The following ANTXR2 variants were observed in gnomAD, a reference collection of about 807,000 sequenced individuals.
ANTXR2 encodes anthrax toxin receptor 2.
In ANTXR2, 44 loss-of-function variants were observed where a neutral mutation model predicts 73.7. That is an observed-to-expected ratio of 0.60 (90% confidence interval 0.47 to 0.77). The LOEUF (loss-of-function observed/expected upper bound fraction) is 0.77, where lower values mean the gene tolerates loss of function less well. ANTXR2 is among the 30% of genes least tolerant of loss of function. The probability of loss-of-function intolerance (pLI) is 0.00; values close to 1 mark genes in which losing one functional copy is unlikely to be tolerated. For missense variants in ANTXR2, 604 were observed against 592.5 expected (o/e 1.02, Z -0.20); for synonymous variants, 217 against 205.9 (o/e 1.05, Z -0.46).
rs138133139 is a variant in ANTXR2, at chr4:80,067,033, G to A, written c.296+2403C>T. On this transcript the variant is annotated intron_variant, in intron 3 of 16. Transcript: ENST00000403729. ...ATCCCGGCTAACACGGTGAAACCCC[G>A]TCTCTACTAAAAAATACAAAAAATT... Among the ~76,000 whole-genome samples, 427 of 152,096 alleles carry A rather than the reference G, an allele frequency of 2.8e-3. 5 individuals carry two copies. Among genetic ancestry groups the A allele is most frequent in the African/African-American group, 9.7e-3 (403 of 41,506 alleles).
rs1726756297 is a variant in ANTXR2, at chr4:79,902,752, T to A, written c.*4677A>T. 1 of 152,070 alleles carries A rather than the reference T, an allele frequency of 6.6e-6. No individual in the cohort carries two copies. The highest frequency in any genetic ancestry group is 6.6e-5 in the Admixed American group (1 of 15,218). 9.4% of individuals were successfully genotyped at this position (152,070 alleles called of 1,614,324 possible). On this transcript the variant is annotated 3_prime_UTR_variant, in exon 17 of 17. Coordinates refer to ENST00000403729, the MANE Select transcript of ANTXR2 (RefSeq NM_058172.6). ...TTTTTTTTTTTTGCAACTGACAGTT[T>A]ACAGAACTAATATTACCACACACTA...
chr4:79,926,893 G>GTATATACACGTGTGCATATATGTGTA (rs1560866648), intron 16 of ANTXR2, among the ~76,000 whole-genome samples: 8,458 of 121,830 alleles, frequency 0.069, 832 homozygotes, highest in Middle Eastern at 0.17. Context: ...ATATATGTGT[G>GTATATACACGTGTGCATATATGTGTA]TATATACACA....
At chr4:80,019,189 A>C (rs894283813) in intron 10 of ANTXR2, among the ~76,000 whole-genome samples, 3 of 152,122 alleles carry the variant, frequency 2.0e-5, no homozygotes, top group African/African-American at 7.2e-5. Context: ...CAACATAGTG[A>C]AACCCCATCT....
At chr4:80,012,429 A>T (rs957333362) in intron 11 of ANTXR2, among the ~76,000 whole-genome samples, 2 of 151,990 alleles carry the variant, frequency 1.3e-5, no homozygotes, top group Admixed American at 6.5e-5. Context: ...ACATAGTTTT[A>T]CTGAACACAG....
intron 16 of ANTXR2, among the ~76,000 whole-genome samples, chr4:79,928,961 G>T (rs1578091556): frequency 1.3e-5 from 2 of 152,116 alleles, no homozygotes; most frequent in African/African-American, 4.8e-5. Flanking sequence ...CAAGAGAATG[G>T]TTAACAGAGT....
intron 16 of ANTXR2, among the ~76,000 whole-genome samples, chr4:79,935,015 G>A (rs1429374345): frequency 6.6e-6 from 1 of 151,768 alleles, no homozygotes; most frequent in Admixed American, 6.6e-5. Context: ...GATGGGTGCA[G>A]CACACCAACA....
chr4:80,052,945 A>T (rs537569721), intron 7 of ANTXR2, among the ~76,000 whole-genome samples: 62 of 151,610 alleles, frequency 4.1e-4, no homozygotes, highest in Non-Finnish European at 8.3e-4. Context: ...ACAATCCATC[A>T]TCTGGGTAAT....
chr4:79,928,844 T>C (rs1293635793), intron 16 of ANTXR2, among the ~76,000 whole-genome samples: 1 of 152,186 alleles, frequency 6.6e-6, no homozygotes, highest in Admixed American at 6.6e-5. Context: ...AAATTAGTGC[T>C]TTATATATAC....
chr4:79,908,992 T>C (rs1325609814), intron 16 of ANTXR2, among the ~76,000 whole-genome samples: 2 of 152,112 alleles, frequency 1.3e-5, no homozygotes, highest in African/African-American at 4.8e-5. Flanking sequence ...GGTAGGAAAA[T>C]GACATCATAC....
chr4:79,937,877 C>T (rs1368694614), intron 16 of ANTXR2, among the ~76,000 whole-genome samples: 7 of 142,656 alleles, frequency 4.9e-5, no homozygotes, highest in Non-Finnish European at 6.1e-5. Context: ...GCGCACCGTG[C>T]ACGAGCCGAA....
At chr4:79,930,825 G>A (rs950686293) in intron 16 of ANTXR2, among the ~76,000 whole-genome samples, 1 of 152,098 alleles carries the variant, frequency 6.6e-6, no homozygotes, top group Admixed American at 6.5e-5. Flanking sequence ...TAGTGTAAAC[G>A]AGCTGAAACT....
intron 12 of ANTXR2, among the ~76,000 whole-genome samples, chr4:79,992,608 T>C (rs1306070929): frequency 1.3e-5 from 2 of 151,892 alleles, no homozygotes; most frequent in East Asian, 1.9e-4. Flanking sequence ...GAATTAAGAT[T>C]TAAAATAATA....
chr4:80,073,293 C>G (rs1390812616), upstream of ANTXR2: 1 of 152,370 alleles, frequency 6.6e-6, no homozygotes, highest in African/African-American at 2.4e-5. Context: ...CACATGCACA[C>G]TTGTGGGTTC....
intron 12 of ANTXR2, among the ~76,000 whole-genome samples, chr4:79,988,196 C>T (rs1449303159): frequency 2.8e-4 from 39 of 139,834 alleles, no homozygotes; most frequent in South Asian, 1.8e-3. Flanking sequence ...CCCAACTATA[C>T]ACTATATTCA....
rs1734679481 is a variant in ANTXR2 at position 80,069,459 on chromosome 4, A to C, written c.273T>G (p.Ile91Met). The change falls in exon 3 of 17, where the codon ATT becomes ATG. Residue 91 changes from isoleucine to methionine, a missense_variant. Physicochemically the swap from Ile to Met is conservative, Grantham distance 10. Transcript: ENST00000403729. Reference protein sequence around the residue: ...SFIVFSSQATIILPLTGDRGK... With the variant: ...SFIVFSSQATMILPLTGDRGK... ...ACCTGTCTCCAGTTAATGGCAAAAT[A>C]ATAGTTGCTTGAGAAGAAAACACAA... 6.2e-7 allele frequency: 1 copy of C among 1,605,248 alleles called. No homozygotes were observed. Among genetic ancestry groups the C allele is most frequent in the Admixed American group, 1.7e-5 (1 of 59,460 alleles).
rs1240816944 is a variant in ANTXR2, at chr4:79,985,119, G to C, written c.1042-256C>G. 1.3e-5 allele frequency among the ~76,000 whole-genome samples: 2 copies of C among 151,806 alleles called. 1 individual carries two copies. The highest frequency in any genetic ancestry group is 2.9e-5 in the Non-Finnish European group (2 of 67,934). ...ATCCCAGCACTTTGGGAAGCCGAGGGGGGCGGATCACGAGGTCAGCAGATC... is the reference window on the plus strand; with the variant it reads ...ATCCCAGCACTTTGGGAAGCCGAGGCGGGCGGATCACGAGGTCAGCAGATC... On this transcript the variant is annotated intron_variant, in intron 12 of 16. Coordinates refer to ENST00000403729, the MANE Select transcript of ANTXR2 (RefSeq NM_058172.6).
In ANTXR2 at chr4:79,905,035, G is replaced by A. The variant is rs1274394253; in HGVS notation, c.*2394C>T. 8 of 152,066 alleles carry A rather than the reference G, an allele frequency of 5.3e-5. No homozygotes were observed. The East Asian group carries it at 1.2e-3, about 22-fold the overall frequency. 9.4% of individuals were successfully genotyped at this position (152,066 alleles called of 1,614,324 possible). A position where few individuals can be genotyped will look rare whatever the true frequency, so the allele number is the denominator to read the frequency against. On this transcript the variant is annotated 3_prime_UTR_variant, in exon 17 of 17. Coordinates refer to ENST00000403729, the MANE Select transcript of ANTXR2 (RefSeq NM_058172.6). ...CCATCAGTCTTTGAACTTTATTAAT[G>A]ATATTTTTTCAGTCTACATATAGAC...
At chr4:80,033,295 TTATTAAATAAC>T (rs1387301845) in intron 9 of ANTXR2, among the ~76,000 whole-genome samples, 166 bp downstream of exon 9, 8 of 152,044 alleles carry the variant, frequency 5.3e-5, no homozygotes, top group Admixed American at 1.3e-4. Context: ...AATGTTGCCA[TTATTAAATAAC>T]TATTAAATAA....
chr4:79,926,913 A>ATATGTGTATATATACACATGTGTGCATT (rs1560866832), intron 16 of ANTXR2, among the ~76,000 whole-genome samples: 1 of 107,460 alleles, frequency 9.3e-6, no homozygotes, highest in Non-Finnish European at 1.9e-5. Context: ...ATGTGTGCAT[A>ATATGTGTATATATACACATGTGTGCATT]TATGTGTATA....
Sources: allele counts gnomAD v4.1 joint callset (sites outside exome capture counted in the v4.1 genomes callset), GRCh38; gene constraint gnomAD v4.1.1; transcripts MANE v1.5; gene names NCBI Gene and HGNC (gene_info 2026-07-23, HGNC 2026-07-21).